The following ZNF829 variants were observed in gnomAD, a reference collection of about 807,000 sequenced individuals.
The protein encoded by ZNF829 is zinc finger protein 829.
ZNF829 carries 25 observed loss-of-function variants against 35.2 expected under a neutral mutation model. The observed-to-expected ratio is 0.71, with a 90% CI of 0.52 to 0.99. The LOEUF (loss-of-function observed/expected upper bound fraction) is 0.99, where lower values mean the gene tolerates loss of function less well. ZNF829 is among the 50% of genes least tolerant of loss of function. ZNF829 has a pLI of 0.00. For missense variants in ZNF829, 417 were observed against 515.3 expected (o/e 0.81, Z 1.85); for synonymous variants, 136 against 163.2 (o/e 0.83, Z 1.27).
chr19:36,897,663 CT>C (rs1181049233), intron 5 of ZNF829, among the ~76,000 whole-genome samples: 5 of 152,174 alleles, frequency 3.3e-5, no homozygotes, highest in African/African-American at 4.8e-5. Flanking sequence ...ACATTCACCA[CT>C]ATTATTCAAT....
rs2073056191 is a variant in ZNF829, at chr19:36,891,795, G to A, written c.996C>T (p.Ala332=). The A allele has an allele frequency of 6.2e-7, 1 of 1,613,900 alleles. No individual in the cohort carries two copies. Among genetic ancestry groups the A allele is most frequent in the Non-Finnish European group, 8.5e-7 (1 of 1,180,028 alleles). ...TAGTAAGTGTTGAGGCACTATTAAA[G>A]GCCTTCCCACACTGCTTACATTCAT... ...KPYECKQCGK[A]FNSASTLTNH... is the part of the protein sequence containing the mutation. The change falls in exon 6 of 6, where the codon GCC becomes GCT. Residue 332 remains alanine (A), a synonymous_variant. Coordinates refer to ENST00000391711, the MANE Select transcript of ZNF829 (RefSeq NM_001037232.4).
Position 36,891,566 on chromosome 19 carries a change from CAT to C in ZNF829, c.1223_1224del (p.Tyr408Ter). On this transcript the variant is annotated frameshift_variant, in exon 6 of 6. Transcript: ENST00000391711. LOFTEE classifies it high-confidence loss of function. ...AAAGCCTTTCCACATTCCTTACAGTCATAGGGTTTCTCACCAGTGTGAATTCT... is the reference window on the plus strand; with the variant it reads ...AAAGCCTTTCCACATTCCTTACAGTCAGGGTTTCTCACCAGTGTGAATTCT... ...HQRIHTGEKP[Y>X]DCKECGKAFG... 1 of 1,612,522 alleles carries C rather than the reference CAT, an allele frequency of 6.2e-7. No individual in the cohort carries two copies. The highest frequency in any genetic ancestry group is 8.5e-7 in the Non-Finnish European group (1 of 1,179,272).
chr19:36,915,368 G>A, intron 1 of ZNF829, 117 bp from the exon 2 acceptor site: 1 of 1,280,744 alleles, frequency 7.8e-7, no homozygotes, highest in Non-Finnish European at 1.1e-6. Context: ...CGTCTCACCT[G>A]CCCACAAGGA....
rs1426317047 is a variant in ZNF829 at position 36,891,656 on chromosome 19, G to T, written c.1135C>A (p.Pro379Thr). ...QHQRIHTDEK[P>T]YECNECGKAF... ...TTCCCACATTCATTACATTCATATG[G>T]TTTTTCATCTGTATGGATTCTCTGA... The change falls in exon 6 of 6, where the codon CCA becomes ACA. Residue 379 changes from proline (P) to threonine (T), a missense_variant. Coordinates refer to ENST00000391711, the MANE Select transcript of ZNF829 (RefSeq NM_001037232.4). 1.9e-6 allele frequency: 3 copies of T among 1,613,382 alleles called. No individual in the cohort carries two copies. Among genetic ancestry groups the T allele is most frequent in the Non-Finnish European group, 2.5e-6 (3 of 1,179,800 alleles).
At chr19:36,901,901 A>G (rs2073169320) in intron 5 of ZNF829, 4 of 762,712 alleles carry the variant, frequency 5.2e-6, no homozygotes, top group African/African-American at 3.4e-5. Flanking sequence ...GAAATTTGCC[A>G]TGAAGGAGAT....
At chr19:36,892,875 G>A in intron 5 of ZNF829, 1 of 1,156,910 alleles carries the variant, frequency 8.6e-7, no homozygotes, top group Non-Finnish European at 1.1e-6. Flanking sequence ...TACAGCTTGT[G>A]GAGCTCCGAC....
chr19:36,901,695 G>A, intron 5 of ZNF829: 1 of 403,042 alleles, frequency 2.5e-6, no homozygotes, highest in Non-Finnish European at 4.6e-6. Context: ...GTTTGAATGT[G>A]CTAGCCTTAA....
chr19:36,902,564 G>A (rs1164012796), intron 5 of ZNF829, among the ~76,000 whole-genome samples: 1 of 152,102 alleles, frequency 6.6e-6, no homozygotes, highest in East Asian at 1.9e-4. Context: ...AAGCCTGGGA[G>A]AGGCGGGTGT....
chr19:36,916,191 GC>G lies in ZNF829; in HGVS notation c.-266del. 4.1e-6 allele frequency: 2 copies of G among 482,622 alleles called. No individual in the cohort carries two copies. Among genetic ancestry groups the G allele is most frequent in the Non-Finnish European group, 7.3e-6 (2 of 272,316 alleles). The allele number at this position is 482,622 out of a possible 1,614,324, so 29.9% of individuals were successfully genotyped here. A position where few individuals can be genotyped will look rare whatever the true frequency, so the allele number is the denominator to read the frequency against. On this transcript the variant is annotated 5_prime_UTR_variant, in exon 1 of 6. Transcript: ENST00000391711. The surrounding 1 kb of genome is among the most constrained non-coding windows in gnomAD (Gnocchi z 5.3). Reference sequence around the variant, plus strand: ...CCCTCAACTCTCAACATCCAGCCGAGCCTCGGAGTTGCGGGTCGCCGTAGCG... The same window carrying G: ...CCCTCAACTCTCAACATCCAGCCGAGCTCGGAGTTGCGGGTCGCCGTAGCG...
chr19:36,916,047 C>A lies in ZNF829; in HGVS notation c.-121G>T. On this transcript the variant is annotated 5_prime_UTR_variant, in exon 1 of 6. Transcript: ENST00000391711. The surrounding 1 kb of genome is among the most constrained non-coding windows in gnomAD (Gnocchi z 5.3). The stretch of plus-strand genomic sequence containing the variant: ...AAGGGTCCCGCCAGGAGTGACGAAA[C>A]GTTCGAATTCCTGCGAGAAAAGTGG... 9.9e-7 allele frequency: 1 copy of A among 1,005,036 alleles called. No individual in the cohort carries two copies. Among genetic ancestry groups the A allele is most frequent in the Non-Finnish European group, 1.4e-6 (1 of 715,158 alleles). 62.3% of individuals were successfully genotyped at this position (1,005,036 alleles called of 1,614,324 possible). A position where few individuals can be genotyped will look rare whatever the true frequency, so the allele number is the denominator to read the frequency against.
At chr19:36,912,948 G>A (rs546028743) in intron 3 of ZNF829, 2 of 152,464 alleles carry the variant, frequency 1.3e-5, no homozygotes, top group Admixed American at 6.5e-5. Flanking sequence ...GGTGAGCCGA[G>A]ATCATGCCAT....
In ZNF829 at chr19:36,892,171, G is replaced by C. The variant is rs2073061345; in HGVS notation, c.620C>G (p.Thr207Ser). 1.2e-6 allele frequency: 2 copies of C among 1,614,040 alleles called. No homozygotes were observed. The highest frequency in any genetic ancestry group is 1.7e-6 in the Non-Finnish European group (2 of 1,180,024). Residue 207 changes from threonine (T) to serine (S), a missense_variant, in exon 6 of 6, where the codon ACT becomes AGT. By Grantham distance (58) the Thr-to-Ser change is moderately conservative (BLOSUM62 1). Transcript: ENST00000391711. ...SLVTRHQRIH[T>S]GKKPYECKEC... ...CTTACATTCATAGGGTTTTTTACCA[G>C]TGTGAATCCTCTGATGTCGAGTAAC...
chr19:36,909,710 G>A (rs1454690536), intron 3 of ZNF829, among the ~76,000 whole-genome samples: 2 of 151,900 alleles, frequency 1.3e-5, no homozygotes, highest in Non-Finnish European at 2.9e-5. Flanking sequence ...GGGAGGCTGA[G>A]GTAGGAGAAT....
In ZNF829 at chr19:36,888,342, T is replaced by A. The variant is rs1344042146; in HGVS notation, c.*3150A>T. 8 of 152,160 alleles carry A rather than the reference T, an allele frequency of 5.3e-5. No individual in the cohort carries two copies. The allele number at this position is 152,160 out of a possible 1,614,324, so 9.4% of individuals were successfully genotyped here. On this transcript the variant is annotated 3_prime_UTR_variant, in exon 6 of 6. Coordinates refer to ENST00000391711, the MANE Select transcript of ZNF829 (RefSeq NM_001037232.4). ...ATACAGTGTTATTACCACAATATAG[T>A]GTCAAACCGTCAATGCAAAAATCTT... is the stretch of plus-strand genomic sequence containing the variant.
intron 5 of ZNF829, 126 bp from the exon 6 acceptor site, chr19:36,892,597 G>T: frequency 9.9e-7 from 1 of 1,010,302 alleles, no homozygotes; most frequent in Non-Finnish European, 1.4e-6. Flanking sequence ...AAGGTGGAGA[G>T]GCAATCTGTA....
chr19:36,914,159 T>A (rs2073286088), intron 3 of ZNF829, among the ~76,000 whole-genome samples: 1 of 152,104 alleles, frequency 6.6e-6, no homozygotes, highest in Admixed American at 6.6e-5. Flanking sequence ...GGAGAGTATC[T>A]GCATGACCTT....
At chr19:36,909,475 T>C (rs1388107293) in intron 3 of ZNF829, among the ~76,000 whole-genome samples, 1 of 152,174 alleles carries the variant, frequency 6.6e-6, no homozygotes, top group Non-Finnish European at 1.5e-5. Flanking sequence ...TCTGCAACAA[T>C]GTCTGCAAGG....
chr19:36,893,123 G>T (rs996872254), intron 5 of ZNF829: 40 of 397,122 alleles, frequency 1.0e-4, no homozygotes, highest in African/African-American at 7.8e-4. Context: ...GTGTTGAAAG[G>T]TTTAAATGTC....
At chr19:36,912,633 A>G (rs2146251203) in intron 3 of ZNF829, 1 of 152,326 alleles carries the variant, frequency 6.6e-6, no homozygotes, top group South Asian at 2.1e-4. Flanking sequence ...ATTTTCAAAT[A>G]TTTTGATGTT....
Sources: allele counts gnomAD v4.1 joint callset (sites outside exome capture counted in the v4.1 genomes callset), GRCh38; gene constraint gnomAD v4.1.1; non-coding constraint Gnocchi (gnomAD v3.1); transcripts MANE v1.5; gene names NCBI Gene and HGNC (gene_info 2026-07-23, HGNC 2026-07-21).